PCBP3: variants seen among roughly 807,000 people sequenced by gnomAD.
PCBP3 encodes the protein poly(rC)-binding protein 3.
In PCBP3, 25 loss-of-function variants were observed where a neutral mutation model predicts 52.7. That is an observed-to-expected ratio of 0.47 (90% CI 0.35 to 0.66). PCBP3 has a LOEUF of 0.66. Among genes scored for constraint, PCBP3 ranks in the 30% least tolerant of loss-of-function variants. The pLI, the probability that PCBP3 is intolerant of heterozygous loss-of-function variation, is 0.01. For synonymous variants in PCBP3, 162 were observed against 183.0 expected (o/e 0.89, Z 0.93); for missense variants, 391 against 490.3 (o/e 0.80, Z 1.91).
At chr21:45,907,590 G>T (rs2096242089) in intron 9 of PCBP3, among the ~76,000 whole-genome samples, 1 of 152,342 alleles carries the variant, frequency 6.6e-6, no homozygotes, top group African/African-American at 2.4e-5. Flanking sequence ...GGGTTCATTT[G>T]TTGACAGAGT....
At chr21:45,925,030 A>T (rs1354964752) in intron 13 of PCBP3, among the ~76,000 whole-genome samples, 1 of 95,512 alleles carries the variant, frequency 1.0e-5, no homozygotes, top group Non-Finnish European at 2.2e-5. Context: ...AACACCGGGA[A>T]CAGTCGAGTG....
rs1162484707 is a variant in PCBP3 at position 45,904,771 on chromosome 21, G to A, written c.339+3658G>A. 6.6e-6 allele frequency among the ~76,000 whole-genome samples: 1 copy of A among 152,116 alleles called. No individual in the cohort carries two copies. Among genetic ancestry groups the A allele is most frequent in the Admixed American group, 6.5e-5 (1 of 15,286 alleles). ...AAAATCTACCTGAAGGTGCTCAGAG[G>A]GCCCTTGAGTCGTCGCTCTGGGGCC... is the stretch of plus-strand genomic sequence containing the variant. On this transcript the variant is annotated intron_variant, in intron 9 of 17. Transcript: ENST00000681687. This position sits in a 1 kb window ranked among gnomAD's most constrained non-coding sequence, Gnocchi z 4.8.
At chr21:45,858,539 C>T (rs1459995645) in intron 5 of PCBP3, 1 of 152,180 alleles carries the variant, frequency 6.6e-6, no homozygotes, top group Non-Finnish European at 1.5e-5. Flanking sequence ...GTGAGGGAGG[C>T]CCCTGGGGAG....
chr21:45,726,373 G>T (rs747158389), intron 2 of PCBP3, among the ~76,000 whole-genome samples: 5 of 152,128 alleles, frequency 3.3e-5, no homozygotes, highest in Non-Finnish European at 5.9e-5. Flanking sequence ...TAGGGGAGAG[G>T]AGCAGAGGTC....
intron 2 of PCBP3, among the ~76,000 whole-genome samples, chr21:45,676,259 A>C (rs1238465362): frequency 2.0e-5 from 3 of 152,194 alleles, no homozygotes; most frequent in African/African-American, 7.2e-5. Context: ...GCAAATGATA[A>C]AATTGAATTT....
chr21:45,831,432 C>A (rs868526868), intron 4 of PCBP3, among the ~76,000 whole-genome samples: 3,292 of 138,168 alleles, frequency 0.024, 147 homozygotes, highest in African/African-American at 0.082. Context: ...AAAAAAAAAT[C>A]AAAACTGATA....
At chr21:45,878,875 A>T (rs538263442) in intron 5 of PCBP3, among the ~76,000 whole-genome samples, 1 of 152,304 alleles carries the variant, frequency 6.6e-6, no homozygotes, top group South Asian at 2.1e-4. Context: ...CTGGTGGAGG[A>T]TCCACAAGAT....
Position 45,821,711 on chromosome 21 carries a change from C to A in PCBP3, c.-125-28250C>A, listed in dbSNP as rs2093145070. On this transcript the variant is annotated intron_variant, in intron 4 of 17. Transcript: ENST00000681687. The surrounding 1 kb of genome is among the most constrained non-coding windows in gnomAD (Gnocchi z 4.4). ...CAGCCTGTCTCTGCTCCCTTCCCTG[C>A]TCTTGTCACTTCTTGCTGGTGCTCT... Among the ~76,000 whole-genome samples the A allele has an allele frequency of 6.6e-6, 1 of 152,190 alleles. No individual in the cohort carries two copies. Among genetic ancestry groups the A allele is most frequent in the Non-Finnish European group, 1.5e-5 (1 of 68,038 alleles).
chr21:45,774,240 TA>T (rs962132424), intron 4 of PCBP3, among the ~76,000 whole-genome samples: 6 of 150,114 alleles, frequency 4.0e-5, no homozygotes, highest in African/African-American at 7.3e-5. Context: ...CCATATCTAC[TA>T]AAAAAAAATG....
intron 4 of PCBP3, among the ~76,000 whole-genome samples, chr21:45,787,407 G>T (rs1177793241): frequency 2.6e-5 from 4 of 151,876 alleles, no homozygotes; most frequent in Non-Finnish European, 5.9e-5. Flanking sequence ...ACCACACCTG[G>T]CTAATTTTTT....
At chr21:45,858,015 G>A (rs1050129108) in intron 5 of PCBP3, among the ~76,000 whole-genome samples, 3 of 152,092 alleles carry the variant, frequency 2.0e-5, no homozygotes, top group Non-Finnish European at 2.9e-5. Flanking sequence ...CCCACTGACC[G>A]TGCTCCTCAG....
At chr21:45,661,393 G>T (rs948832857) in intron 1 of PCBP3, among the ~76,000 whole-genome samples, 14 of 151,564 alleles carry the variant, frequency 9.2e-5, no homozygotes, top group Admixed American at 1.3e-4. Flanking sequence ...ATATTCTCTC[G>T]TAAGTGAGAA....
At chr21:45,747,846 C>G (rs1183540655) in intron 3 of PCBP3, among the ~76,000 whole-genome samples, 8 of 152,202 alleles carry the variant, frequency 5.3e-5, no homozygotes, top group Non-Finnish European at 7.3e-5. Context: ...TCTGAGTTTT[C>G]TCCTTGGCTA....
In PCBP3 at chr21:45,896,199, T is replaced by C. The variant is rs2095822676; in HGVS notation, c.11-9T>C. On this transcript the variant is annotated splice_polypyrimidine_tract_variant and intron_variant, in intron 5 of 17. Coordinates refer to ENST00000681687, the MANE Select transcript of PCBP3 (RefSeq NM_001384156.1). ...CTTCTCTAGCAGCAGCTGTGCCTTC[T>C]CTCTCCAGGTGACGCCTTCTGGGCC... is the stretch of plus-strand genomic sequence containing the variant. 2 of 1,550,968 alleles carry C rather than the reference T, an allele frequency of 1.3e-6. No individual in the cohort carries two copies. Among genetic ancestry groups the C allele is most frequent in the Non-Finnish European group, 8.7e-7 (1 of 1,146,948 alleles).
Position 45,741,877 on chromosome 21 carries a change from G to A in PCBP3, c.-162+6448G>A, listed in dbSNP as rs991556122. Among the ~76,000 whole-genome samples, 5 of 152,254 alleles carry A rather than the reference G, an allele frequency of 3.3e-5. No individual in the cohort carries two copies. Among genetic ancestry groups the A allele is most frequent in the Admixed American group, 1.3e-4 (2 of 15,304 alleles). Reference sequence around the variant, plus strand: ...CCTCAGGTTGCTTGAGCTCTGCAGCGTTAGGCCTGGTGAGCGCCTCTTGCC... The same window carrying A: ...CCTCAGGTTGCTTGAGCTCTGCAGCATTAGGCCTGGTGAGCGCCTCTTGCC... On this transcript the variant is annotated intron_variant, in intron 3 of 17. Coordinates refer to ENST00000681687, the MANE Select transcript of PCBP3 (RefSeq NM_001384156.1). The surrounding 1 kb of genome is among the most constrained non-coding windows in gnomAD (Gnocchi z 4.5).
Position 45,941,723 on chromosome 21 carries a change from TC to T in PCBP3, c.*22del. 1 of 1,594,026 alleles carries T rather than the reference TC, an allele frequency of 6.3e-7. No individual in the cohort carries two copies. The highest frequency in any genetic ancestry group is 8.5e-7 in the Non-Finnish European group (1 of 1,169,682). ...ACGCTGTAATCCTACCCAGCACCCT[TC>T]CCCCGCGTCACCCACCTGCCAGAGC... On this transcript the variant is annotated 3_prime_UTR_variant, in exon 18 of 18. Transcript: ENST00000681687.
chr21:45,767,003 T>C (rs1454406704), intron 4 of PCBP3, among the ~76,000 whole-genome samples: 1 of 152,226 alleles, frequency 6.6e-6, no homozygotes, highest in Non-Finnish European at 1.5e-5. Context: ...GTACTCAGTT[T>C]TGACCCTGAC....
intron 4 of PCBP3, among the ~76,000 whole-genome samples, chr21:45,847,605 TG>T (rs1014788782): frequency 6.6e-6 from 1 of 152,264 alleles, no homozygotes; most frequent in Non-Finnish European, 1.5e-5. Flanking sequence ...TAAAATCCTT[TG>T]GTCACACTTT....
intron 5 of PCBP3, among the ~76,000 whole-genome samples, chr21:45,861,638 G>A (rs1016469147): frequency 9.9e-5 from 15 of 152,118 alleles, no homozygotes; most frequent in South Asian, 2.1e-4. Flanking sequence ...TGACCCCTCC[G>A]TGTTCATAAG....
Sources: allele counts gnomAD v4.1 joint callset (sites outside exome capture counted in the v4.1 genomes callset), GRCh38; gene constraint gnomAD v4.1.1; non-coding constraint Gnocchi (gnomAD v3.1); transcripts MANE v1.5; gene names NCBI Gene and HGNC (gene_info 2026-07-23, HGNC 2026-07-21).